Variants in LARGE1 observed in about 807,000 individuals in gnomAD.
The protein encoded by LARGE1 is xylosyl- and glucuronyltransferase LARGE1.
A neutral mutation model predicts 87.6 loss-of-function variants in LARGE1; 43 were observed. That is an observed-to-expected ratio of 0.49 (90% CI 0.38 to 0.63). The LOEUF (loss-of-function observed/expected upper bound fraction) is 0.63. LARGE1 is among the 30% of genes least tolerant of loss of function. The pLI is 0.00. For synonymous variants in LARGE1, 434 were observed against 394.6 expected (o/e 1.10, Z -1.18); for missense variants, 802 against 1,000.2 (o/e 0.80, Z 2.67).
intron 7 of LARGE1, among the ~76,000 whole-genome samples, chr22:33,425,145 C>T (rs2066833013): frequency 1.3e-5 from 2 of 151,972 alleles, no homozygotes; most frequent in Admixed American, 1.3e-4. Context: ...GCCTGTAATC[C>T]CAGCTACTCA....
At chr22:33,519,305 G>A (rs573994229) in intron 6 of LARGE1, among the ~76,000 whole-genome samples, 1 of 152,082 alleles carries the variant, frequency 6.6e-6, no homozygotes, top group South Asian at 2.1e-4. Context: ...AGACCCAGGG[G>A]GGCTCCCTGG....
At chr22:33,592,061 GAGAAGGGAGGGGAGGAGA>G (rs2078855154) in intron 5 of LARGE1, among the ~76,000 whole-genome samples, 1 of 123,864 alleles carries the variant, frequency 8.1e-6, no homozygotes, top group South Asian at 3.1e-4. Context: ...AAGAGGAGAG[GAGAAGGGAGGGGAGGAGA>G]GAGGAGGGGA....
At chr22:33,709,907 G>A (rs539722305) in intron 2 of LARGE1, among the ~76,000 whole-genome samples, 7 of 150,480 alleles carry the variant, frequency 4.7e-5, no homozygotes, top group Non-Finnish European at 8.8e-5. Flanking sequence ...GATTACAGGC[G>A]TGAGCCACCA....
chr22:33,470,359 GTGGCTTCAACCCTAAACTCCTTGGCT>G (rs778417473), intron 6 of LARGE1, among the ~76,000 whole-genome samples: 8 of 152,160 alleles, frequency 5.3e-5, no homozygotes, highest in Non-Finnish European at 1.2e-4. Context: ...CTCTCTTGCT[GTGGCTTCAACCCTAAACTCCTTGGCT>G]TGGCTTCAAC....
At chr22:33,154,044 C>T in the LARGE1 span, among the ~76,000 whole-genome samples, 89 of 152,214 alleles carry the variant, frequency 5.8e-4, no homozygotes, top group African/African-American at 2.1e-3. Context: ...CTATTGGTTG[C>T]TACCCAGTGC....
rs570618731 is a variant in LARGE1, at chr22:33,386,931, G to A, written c.893-2627C>T. Among the ~76,000 whole-genome samples the A allele has an allele frequency of 3.8e-4, 55 of 145,828 alleles. 2 individuals carry two copies. Among genetic ancestry groups the A allele is most frequent in the Non-Finnish European group, 6.6e-4 (43 of 65,370 alleles). ...AGCCTGGCCAACATGGTGAAACCCCGTCTCTACTAAAAATACAAAAAAATT... is the reference window on the plus strand; with the variant it reads ...AGCCTGGCCAACATGGTGAAACCCCATCTCTACTAAAAATACAAAAAAATT... On this transcript the variant is annotated intron_variant, in intron 7 of 14. Coordinates refer to ENST00000397394, the MANE Select transcript of LARGE1 (RefSeq NM_133642.5).
At chr22:33,768,466 A>T (rs1180736030) in intron 1 of LARGE1, among the ~76,000 whole-genome samples, 1 of 141,564 alleles carries the variant, frequency 7.1e-6, no homozygotes, top group Non-Finnish European at 1.6e-5. Context: ...ACACACACAC[A>T]GTCTCCCGCC....
At chr22:33,658,998 T>C (rs2081049156) in intron 2 of LARGE1, among the ~76,000 whole-genome samples, 1 of 152,202 alleles carries the variant, frequency 6.6e-6, no homozygotes, top group African/African-American at 2.4e-5. Context: ...GCTTCCATCA[T>C]GTGACCCAGA....
At chr22:33,389,350 A>C (rs2065435881) in intron 7 of LARGE1, among the ~76,000 whole-genome samples, 2 of 152,222 alleles carry the variant, frequency 1.3e-5, no homozygotes, top group South Asian at 4.1e-4. Flanking sequence ...ACTGGGAGTT[A>C]AGCTGCTTAT....
At chr22:33,497,862 GCTTA>G (rs1272066330) in intron 6 of LARGE1, among the ~76,000 whole-genome samples, 7 of 152,026 alleles carry the variant, frequency 4.6e-5, no homozygotes, top group African/African-American at 1.7e-4. Flanking sequence ...GTTACAGAGT[GCTTA>G]CTTTTCATTT....
At chr22:33,303,362 C>A (rs1569031734) in intron 12 of LARGE1, among the ~76,000 whole-genome samples, 1 of 152,138 alleles carries the variant, frequency 6.6e-6, no homozygotes, top group Non-Finnish European at 1.5e-5. Context: ...CCCGGGCCAA[C>A]GGCTCCTGGT....
chr22:33,865,228 C>T (rs1601808717), intron 1 of LARGE1, among the ~76,000 whole-genome samples: 2 of 152,148 alleles, frequency 1.3e-5, no homozygotes, highest in South Asian at 2.1e-4. Flanking sequence ...AGCTGGGAGC[C>T]GTAAAATGCC....
the LARGE1 span, among the ~76,000 whole-genome samples, chr22:33,132,385 T>C: frequency 2.6e-5 from 4 of 151,512 alleles, no homozygotes; most frequent in Non-Finnish European, 5.9e-5. Flanking sequence ...GGTTTCACCA[T>C]GTTGCCAGGC....
intron 9 of LARGE1, among the ~76,000 whole-genome samples, chr22:33,338,466 C>T (rs908981733): frequency 6.6e-6 from 1 of 152,156 alleles, no homozygotes; most frequent in South Asian, 2.1e-4. Flanking sequence ...TCATTCCTAC[C>T]TCCTCCTCCT....
chr22:33,420,992 A>G (rs1569148826), intron 7 of LARGE1, among the ~76,000 whole-genome samples: 1 of 152,196 alleles, frequency 6.6e-6, no homozygotes, highest in Non-Finnish European at 1.5e-5. Context: ...GTTCGAGACC[A>G]GCCCGGCCAA....
At chr22:33,538,220 C>A (rs1398599614) in intron 6 of LARGE1, among the ~76,000 whole-genome samples, 1 of 152,214 alleles carries the variant, frequency 6.6e-6, no homozygotes, top group African/African-American at 2.4e-5. Flanking sequence ...CCTCACCTAC[C>A]CCAAGTGGAA....
rs370843481 is a variant in LARGE1, at chr22:33,722,348, A to AGGGAGG, written c.106+39022_106+39023insCCTCCC. On this transcript the variant is annotated intron_variant, in intron 2 of 14. Coordinates refer to ENST00000397394, the MANE Select transcript of LARGE1 (RefSeq NM_133642.5). ...AGAGGAGGGAGAGGGAGAGGAGAGG[A>AGGGAGG]GGGAGAGGGAGAGAGAAGAAAGGAA... Among the ~76,000 whole-genome samples the AGGGAGG allele has an allele frequency of 2.6e-3, 273 of 103,616 alleles. 4 individuals carry two copies. The highest frequency in any genetic ancestry group is 4.5e-3 in the African/African-American group (121 of 26,788). The allele number at this position is 103,616 out of a possible 152,430, so 68.0% of individuals were successfully genotyped here.
At chr22:33,862,013 C>G (rs1436685423) in intron 1 of LARGE1, among the ~76,000 whole-genome samples, 2 of 151,940 alleles carry the variant, frequency 1.3e-5, no homozygotes, top group Non-Finnish European at 2.9e-5. Context: ...CACGCGCCAC[C>G]ATGCCCGGCT....
chr22:33,665,992 A>C (rs1198322015), intron 2 of LARGE1, among the ~76,000 whole-genome samples: 2 of 151,810 alleles, frequency 1.3e-5, no homozygotes, highest in Non-Finnish European at 2.9e-5. Context: ...AAAAAAAAAA[A>C]GATCAAATTG....
Sources: gnomAD v4.1 joint callset for allele counts (sites outside exome capture counted in the v4.1 genomes callset) on GRCh38, gnomAD v4.1.1 for gene constraint, MANE v1.5 for transcripts, NCBI Gene and HGNC (gene_info 2026-07-23, HGNC 2026-07-21) for gene names.